ARID1B: variants seen among roughly 807,000 people sequenced by gnomAD.
ARID1B encodes the protein AT-rich interactive domain-containing protein 1B.
A neutral mutation model predicts 212.3 loss-of-function variants in ARID1B; 30 were observed. The ratio of observed to expected loss-of-function variants is 0.14; its 90% CI spans 0.11 to 0.19. The LOEUF is 0.19. Among genes scored for constraint, ARID1B ranks in the 10% least tolerant of loss-of-function variants. The pLI is 1.00. For synonymous variants in ARID1B, 1,402 were observed against 1,301.7 expected, an observed-to-expected ratio of 1.08 and a Z score of -1.66; for missense variants, 2,891 against 3,204.0, an observed-to-expected ratio of 0.90 and a Z score of 2.36.
intron 4 of ARID1B, among the ~76,000 whole-genome samples, chr6:156,981,618 A>T (rs1254433672): frequency 6.6e-6 from 1 of 152,166 alleles, no homozygotes. Context: ...CTTGCTGTAC[A>T]CTGTGTCTTT....
chr6:157,134,449 A>G (rs1788775195), intron 7 of ARID1B, among the ~76,000 whole-genome samples: 1 of 152,238 alleles, frequency 6.6e-6, no homozygotes, highest in South Asian at 2.1e-4. Context: ...AAGAAAGCAA[A>G]CGTCTGTATA....
chr6:156,878,889 C>T (rs1001356738), intron 2 of ARID1B, among the ~76,000 whole-genome samples: 20 of 152,150 alleles, frequency 1.3e-4, no homozygotes, highest in African/African-American at 4.6e-4. Context: ...CGTGATTGAC[C>T]ATTTAGGAAG....
intron 4 of ARID1B, among the ~76,000 whole-genome samples, chr6:157,038,130 G>T (rs1451542357): frequency 6.6e-6 from 1 of 152,116 alleles, no homozygotes; most frequent in Non-Finnish European, 1.5e-5. Flanking sequence ...TAAATTTTGA[G>T]TAAATTAGGA....
intron 19 of ARID1B, chr6:157,205,762 T>A (rs891159212): frequency 6.0e-6 from 1 of 166,678 alleles, no homozygotes; most frequent in Admixed American, 5.7e-5. Context: ...GAGAACAGAG[T>A]CACTTTGGGC....
intron 8 of ARID1B, chr6:157,150,550 C>T (rs763573937): frequency 6.1e-6 from 1 of 163,768 alleles, no homozygotes; most frequent in Non-Finnish European, 1.3e-5. Context: ...CCCACCCTTT[C>T]GTTGGAGGCA....
intron 8 of ARID1B, chr6:157,151,658 C>CT (rs1790205119): frequency 6.6e-6 from 1 of 152,194 alleles, no homozygotes; most frequent in South Asian, 2.1e-4. Context: ...CTCTTAAAGT[C>CT]TATTACTATT....
At chr6:156,947,569 A>G (rs1793248082) in intron 4 of ARID1B, among the ~76,000 whole-genome samples, 1 of 151,558 alleles carries the variant, frequency 6.6e-6, no homozygotes, top group Non-Finnish European at 1.5e-5. Flanking sequence ...AGTTTCTTGT[A>G]CATTTGGATC....
chr6:157,103,831 C>CA (rs1786262695), intron 5 of ARID1B, among the ~76,000 whole-genome samples: 31 of 118,360 alleles, frequency 2.6e-4, no homozygotes, highest in Non-Finnish European at 1.0e-4. Context: ...ATATTAACAA[C>CA]TTTTTTTTTT....
At chr6:157,133,805 TCATGTCCAG>T (rs917412863) in intron 7 of ARID1B, among the ~76,000 whole-genome samples, 2 of 152,222 alleles carry the variant, frequency 1.3e-5, no homozygotes, top group African/African-American at 4.8e-5. Context: ...ACTAGTGGAA[TCATGTCCAG>T]CATGCACCAT....
chr6:156,920,861 CT>C lies in ARID1B; in HGVS notation c.2137-14593del, dbSNP rs375978825. 4.1e-3 allele frequency among the ~76,000 whole-genome samples: 583 copies of C among 143,758 alleles called. 3 individuals are homozygous for C. Among genetic ancestry groups the C allele is most frequent in the African/African-American group, 9.9e-3 (393 of 39,536 alleles). 94.3% of individuals were successfully genotyped at this position (143,758 alleles called of 152,430 possible). On this transcript the variant is annotated intron_variant, in intron 3 of 19. Coordinates refer to ENST00000636930, the MANE Select transcript of ARID1B (RefSeq NM_001374828.1). The stretch of plus-strand genomic sequence containing the variant: ...TCTCTTTTTCTTGTTCTTTTCTTTT[CT>C]TTTTTTTTTTTGACAGAGTTTCACT...
At chr6:156,963,233 G>C (rs1014611163) in intron 4 of ARID1B, among the ~76,000 whole-genome samples, 6 of 152,166 alleles carry the variant, frequency 3.9e-5, no homozygotes, top group Admixed American at 3.3e-4. Flanking sequence ...ATTTAGATTA[G>C]GGAGTAACAA....
intron 2 of ARID1B, among the ~76,000 whole-genome samples, chr6:156,880,739 CAAAAAAAAA>C (rs141153792): frequency 1.1e-5 from 1 of 86,994 alleles, no homozygotes; most frequent in Non-Finnish European, 2.1e-5. Flanking sequence ...GACTCTGTCT[CAAAAAAAAA>C]AAAAAAAAAA....
chr6:157,039,747 TCCTTCCTTCCTACCTTCCTA>T (rs1781690687), intron 4 of ARID1B, among the ~76,000 whole-genome samples: 1 of 110,490 alleles, frequency 9.1e-6, no homozygotes, highest in Non-Finnish European at 1.9e-5. Context: ...CTCCCTCCCT[TCCTTCCTTCCTACCTTCCTA>T]CCTACCTACC....
At chr6:157,000,693 ATTC>A (rs1345326654) in intron 4 of ARID1B, among the ~76,000 whole-genome samples, 1 of 77,500 alleles carries the variant, frequency 1.3e-5, no homozygotes, top group Non-Finnish European at 2.6e-5. Flanking sequence ...ATTTCTAATT[ATTC>A]TTTTTTTTTT....
In ARID1B at chr6:157,133,023, C is replaced by T. The variant is rs1182518402; in HGVS notation, c.2582-5C>T. ...TTTATATGTTTCCATTTATTTCCCACTTAGGTTTTATGGCAGGCACACAAA... is the reference window on the plus strand; with the variant it reads ...TTTATATGTTTCCATTTATTTCCCATTTAGGTTTTATGGCAGGCACACAAA... On this transcript the variant is annotated splice_region_variant and splice_polypyrimidine_tract_variant and intron_variant, in intron 6 of 19. Transcript: ENST00000636930. 1 of 1,594,740 alleles carries T rather than the reference C, an allele frequency of 6.3e-7. No individual in the cohort carries two copies. The highest frequency in any genetic ancestry group is 1.4e-5 in the African/African-American group (1 of 73,718).
intron 1 of ARID1B, among the ~76,000 whole-genome samples, chr6:156,784,028 A>ATT (rs201785586): frequency 1.4e-5 from 2 of 146,778 alleles, no homozygotes; most frequent in African/African-American, 5.0e-5. Flanking sequence ...ACTTAATTCC[A>ATT]TTTTTTTTTT....
chr6:157,136,496 C>T (rs1788916961), intron 7 of ARID1B, among the ~76,000 whole-genome samples: 1 of 152,114 alleles, frequency 6.6e-6, no homozygotes, highest in African/African-American at 2.4e-5. Context: ...CAGTAAGCCA[C>T]TAGGGATATA....
chr6:156,934,917 TA>T (rs1792050170), intron 3 of ARID1B, among the ~76,000 whole-genome samples: 1 of 17,142 alleles, frequency 5.8e-5, no homozygotes, highest in South Asian at 2.1e-3. Flanking sequence ...GTTAATTATA[TA>T]TATATATATA....
In ARID1B at chr6:156,901,408, T is replaced by C; in HGVS notation, c.2019T>C (p.Ser673=). 2 of 1,614,120 alleles carry C rather than the reference T, an allele frequency of 1.2e-6. No individual in the cohort carries two copies. The highest frequency in any genetic ancestry group is 1.7e-6 in the Non-Finnish European group (2 of 1,180,038). The change falls in exon 3 of 20, where the codon AGT becomes AGC. Residue 673 remains serine (S), a synonymous_variant. Coordinates refer to ENST00000636930, the MANE Select transcript of ARID1B (RefSeq NM_001374828.1). ...CTCAGTATGGACAGCAAGGTGTGAG[T>C]GGTTACTGCCAGCAGGGCCAACAGC... ...MPPQYGQQGV[S]GYCQQGQQPY...
Sources: gnomAD v4.1 joint callset for allele counts (sites outside exome capture counted in the v4.1 genomes callset) on GRCh38, gnomAD v4.1.1 for gene constraint, MANE v1.5 for transcripts, NCBI Gene and HGNC (gene_info 2026-07-23, HGNC 2026-07-21) for gene names.